TTC28: variants seen among roughly 807,000 people sequenced by gnomAD.
TTC28 encodes the protein tetratricopeptide repeat protein 28.
In TTC28, 61 loss-of-function variants were observed where a neutral mutation model predicts 198.0. The observed-to-expected ratio is 0.31, with a 90% CI of 0.25 to 0.38. The LOEUF is 0.38. Ranked by LOEUF, TTC28 falls within the 10% of genes least tolerant of loss-of-function variation. The pLI, the probability that TTC28 is intolerant of heterozygous loss-of-function variation, is 1.00. For synonymous variants in TTC28, 1,171 were observed against 1,297.8 expected (o/e 0.90, Z 2.10); for missense variants, 2,678 against 3,164.0 (o/e 0.85, Z 3.69).
chr22:28,119,776 C>T (rs1462089324), intron 6 of TTC28, among the ~76,000 whole-genome samples: 4 of 152,178 alleles, frequency 2.6e-5, no homozygotes. Context: ...CACTCTGGCA[C>T]TACTAATTAA....
chr22:28,489,964 A>G (rs1012993582), intron 2 of TTC28, among the ~76,000 whole-genome samples: 3 of 152,104 alleles, frequency 2.0e-5, no homozygotes, highest in Non-Finnish European at 2.9e-5. Flanking sequence ...CTGAGTCCCA[A>G]AACTGAAGAA....
intron 12 of TTC28, among the ~76,000 whole-genome samples, chr22:28,065,977 A>T (rs1289481195): frequency 6.6e-6 from 1 of 152,172 alleles, no homozygotes; most frequent in African/African-American, 2.4e-5. Flanking sequence ...GCTGGACCAA[A>T]CCAAAATATT....
At chr22:28,263,806 T>G (rs1293355825) in intron 5 of TTC28, among the ~76,000 whole-genome samples, 2 of 151,312 alleles carry the variant, frequency 1.3e-5, no homozygotes, top group Non-Finnish European at 2.9e-5. Context: ...TTAGTCAGGA[T>G]AGAGGATAGG....
chr22:28,035,272 C>T (rs1055109393), intron 12 of TTC28, among the ~76,000 whole-genome samples: 4 of 152,104 alleles, frequency 2.6e-5, no homozygotes, highest in African/African-American at 7.2e-5. Flanking sequence ...AAACGACAGG[C>T]GAGAAACTCC....
chr22:28,528,858 G>A (rs2049067237), intron 2 of TTC28, among the ~76,000 whole-genome samples: 1 of 151,938 alleles, frequency 6.6e-6, no homozygotes, highest in African/African-American at 2.4e-5. Flanking sequence ...CTGGAAGACT[G>A]TTTTTAAAGG....
At chr22:28,189,982 C>T (rs981192165) in intron 5 of TTC28, among the ~76,000 whole-genome samples, 5 of 152,142 alleles carry the variant, frequency 3.3e-5, no homozygotes, top group African/African-American at 7.2e-5. Context: ...CTAGTTACTA[C>T]TAGAGCATTG....
In TTC28 at chr22:28,032,222, TATATATATATAAAATATATATATATAAA is replaced by T. The variant is rs1244833471; in HGVS notation, c.3933-1884_3933-1857del. Among the ~76,000 whole-genome samples, 28 of 122,446 alleles carry T rather than the reference TATATATATATAAAATATATATATATAAA, an allele frequency of 2.3e-4. No homozygotes were observed. In the South Asian group the frequency reaches 3.9e-3, roughly 17 times the overall value. 80.3% of individuals were successfully genotyped at this position (122,446 alleles called of 152,430 possible). A position where few individuals can be genotyped will look rare whatever the true frequency, so the allele number is the denominator to read the frequency against. ...ATATATAAAATATATATATATAAAA[TATATATATATAAAATATATATATATAAA>T]ATATATATATATATATAGTGTGTGT... On this transcript the variant is annotated intron_variant, in intron 12 of 22. Transcript: ENST00000397906.
At chr22:28,330,550 C>T (rs1337086834) in intron 2 of TTC28, among the ~76,000 whole-genome samples, 1 of 152,152 alleles carries the variant, frequency 6.6e-6, no homozygotes, top group Non-Finnish European at 1.5e-5. Flanking sequence ...CATTTAAGCT[C>T]TCTTTCTATA....
chr22:28,102,749 G>T (rs760881062), intron 8 of TTC28, among the ~76,000 whole-genome samples: 2 of 152,178 alleles, frequency 1.3e-5, no homozygotes, highest in Non-Finnish European at 2.9e-5. Context: ...TGACACTCAG[G>T]TTCAATGTCA....
chr22:28,213,766 T>C (rs200233610), intron 5 of TTC28, among the ~76,000 whole-genome samples: 12,880 of 150,194 alleles, frequency 0.086, 653 homozygotes, highest in African/African-American at 0.12. Flanking sequence ...CTTCACAGAA[T>C]TGGAAAAAAC....
chr22:28,492,899 AAAGT>A (rs759750961), intron 2 of TTC28, among the ~76,000 whole-genome samples: 6 of 152,134 alleles, frequency 3.9e-5, no homozygotes, highest in African/African-American at 7.2e-5. Context: ...GTCATTCCAA[AAAGT>A]AAGACAGTTT....
chr22:28,629,918 G>T, intron 1 of TTC28, 88 bp from the exon 2 acceptor site: 1 of 1,197,172 alleles, frequency 8.4e-7, no homozygotes, highest in Non-Finnish European at 1.2e-6. Context: ...GTCCCCTCCA[G>T]TTGCACATTA....
intron 2 of TTC28, among the ~76,000 whole-genome samples, chr22:28,592,383 G>C (rs962326381): frequency 1.3e-5 from 2 of 152,032 alleles, no homozygotes; most frequent in African/African-American, 2.4e-5. Flanking sequence ...AGGCACAGTG[G>C]CTAATACCTA....
chr22:28,533,568 T>A (rs1335686034), intron 2 of TTC28, among the ~76,000 whole-genome samples: 1 of 152,108 alleles, frequency 6.6e-6, no homozygotes, highest in Non-Finnish European at 1.5e-5. Context: ...TCTTTAAAGC[T>A]CATATGGAAC....
At chr22:28,662,617 T>C (rs189449409) in intron 1 of TTC28, among the ~76,000 whole-genome samples, 67 of 152,372 alleles carry the variant, frequency 4.4e-4, no homozygotes, top group East Asian at 3.9e-3. Context: ...CAAACACCTA[T>C]ACTTACAGAA....
intron 20 of TTC28, 114 bp downstream of exon 20, chr22:27,990,675 T>A: frequency 9.7e-7 from 1 of 1,027,974 alleles, no homozygotes; most frequent in Non-Finnish European, 1.4e-6. Flanking sequence ...GCAGCCCGTG[T>A]GGCTCCGTTT....
rs1024747355 is a variant in TTC28 at position 28,504,249 on chromosome 22, A to AT, written c.381+125302dup. On this transcript the variant is annotated intron_variant, in intron 2 of 22. Coordinates refer to ENST00000397906, the MANE Select transcript of TTC28 (RefSeq NM_001145418.2). The stretch of plus-strand genomic sequence containing the variant: ...TTCTAGTAACTGTCTTCATAAGCAT[A>AT]TTTTTTAAAAACAAGTAAAAGTGAG... Among the ~76,000 whole-genome samples the AT allele has an allele frequency of 6.6e-5, 10 of 152,156 alleles. 1 individual carries two copies. Among genetic ancestry groups the AT allele is most frequent in the Middle Eastern group, 6.3e-3 (2 of 316 alleles).
intron 2 of TTC28, among the ~76,000 whole-genome samples, chr22:28,542,265 A>C (rs1396062500): frequency 1.3e-5 from 2 of 152,218 alleles, no homozygotes; most frequent in African/African-American, 2.4e-5. Context: ...GAATCTATAG[A>C]AACCAAAGCA....
chr22:28,394,214 G>A (rs569172988), intron 2 of TTC28, among the ~76,000 whole-genome samples: 2 of 152,246 alleles, frequency 1.3e-5, no homozygotes, highest in South Asian at 4.1e-4. Context: ...ATTTTGAGTG[G>A]TCTGCACCCA....
Sources: gnomAD v4.1 joint callset for allele counts (sites outside exome capture counted in the v4.1 genomes callset) on GRCh38, gnomAD v4.1.1 for gene constraint, MANE v1.5 for transcripts, NCBI Gene and HGNC (gene_info 2026-07-23, HGNC 2026-07-21) for gene names.